Variants in CDKL1 observed in about 807,000 individuals in gnomAD.
CDKL1 encodes the protein cyclin-dependent kinase-like 1.
CDKL1 carries 41 observed loss-of-function variants against 42.0 expected under a neutral mutation model. The observed-to-expected ratio is 0.98, with a 90% CI of 0.76 to 1.27. The LOEUF (loss-of-function observed/expected upper bound fraction) is 1.27. Among genes scored for constraint, CDKL1 ranks in the 50% most tolerant of loss-of-function variants. The pLI is 0.00. For missense variants in CDKL1, 394 were observed against 428.4 expected (o/e 0.92, Z 0.71); for synonymous variants, 153 against 158.6 (o/e 0.96, Z 0.26).
intron 7 of CDKL1, among the ~76,000 whole-genome samples, chr14:50,336,871 A>AT (rs1486859806): frequency 2.0e-5 from 3 of 151,808 alleles, no homozygotes; most frequent in Admixed American, 6.6e-5. Flanking sequence ...TGTAAAAAAA[A>AT]AAAGCTTTGT....
At chr14:50,395,564 G>C in intron 2 of CDKL1, 137 bp downstream of exon 2, 1 of 625,730 alleles carries the variant, frequency 1.6e-6, no homozygotes. Flanking sequence ...CTACTCAGGA[G>C]GCTGAGGCAG....
At chr14:50,354,904 A>G (rs116795198) in intron 3 of CDKL1, among the ~76,000 whole-genome samples, 122 of 152,316 alleles carry the variant, frequency 8.0e-4, no homozygotes, top group African/African-American at 2.9e-3. Flanking sequence ...CATTACTATA[A>G]TAATAAACAT....
At chr14:50,377,171 C>T (rs962944301) in intron 2 of CDKL1, among the ~76,000 whole-genome samples, 1 of 152,144 alleles carries the variant, frequency 6.6e-6, no homozygotes, top group Non-Finnish European at 1.5e-5. Context: ...TAGCTTTGTG[C>T]GCCTGTAGCC....
intron 3 of CDKL1, among the ~76,000 whole-genome samples, chr14:50,346,894 C>G (rs1367566054): frequency 6.6e-6 from 1 of 151,978 alleles, no homozygotes; most frequent in Non-Finnish European, 1.5e-5. Context: ...AGTGATACGC[C>G]CACCTCAGCC....
intron 9 of CDKL1, 158 bp from the exon 10 acceptor site, chr14:50,330,339 C>A: frequency 2.4e-6 from 2 of 845,948 alleles, no homozygotes; most frequent in Non-Finnish European, 3.3e-6. Context: ...GTTTCAATTT[C>A]GTCTTGGCTT....
intron 3 of CDKL1, among the ~76,000 whole-genome samples, chr14:50,355,740 C>T (rs1473451214): frequency 6.6e-6 from 1 of 152,138 alleles, no homozygotes; most frequent in Non-Finnish European, 1.5e-5. Context: ...AGGGTGCTGG[C>T]AGGCATCATA....
At position 50,346,651 on chromosome 14, in the gene CDKL1, G is replaced by GTTTTTTTTTTTTTTTTTTTTTTT. The variant is rs375954757; in HGVS notation, c.291-1594_291-1593insAAAAAAAAAAAAAAAAAAAAAAA. 4.0e-5 allele frequency among the ~76,000 whole-genome samples: 5 copies of GTTTTTTTTTTTTTTTTTTTTTTT among 123,636 alleles called. 1 individual carries two copies. The highest frequency in any genetic ancestry group is 6.6e-5 in the African/African-American group (2 of 30,116). 81.1% of individuals were successfully genotyped at this position (123,636 alleles called of 152,430 possible). A position where few individuals can be genotyped will look rare whatever the true frequency, so the allele number is the denominator to read the frequency against. On this transcript the variant is annotated intron_variant, in intron 3 of 9. Transcript: ENST00000395834. ...TGATTATTCAATAAATTAAATTTTT[G>GTTTTTTTTTTTTTTTTTTTTTTT]GTTTTTTTTTTTTTTTTGAGATGGA...
At chr14:50,386,733 T>G (rs1221973751) in intron 2 of CDKL1, among the ~76,000 whole-genome samples, 1 of 152,122 alleles carries the variant, frequency 6.6e-6, no homozygotes, top group Non-Finnish European at 1.5e-5. Context: ...GAGACCAGCC[T>G]GGGCAACATG....
At chr14:50,371,051 A>G (rs1210231297) in intron 2 of CDKL1, among the ~76,000 whole-genome samples, 2 of 152,184 alleles carry the variant, frequency 1.3e-5, no homozygotes, top group Non-Finnish European at 2.9e-5. Context: ...ATGTTCCCCA[A>G]TTTCATCCAT....
chr14:50,391,557 A>G (rs2035257903), intron 2 of CDKL1, among the ~76,000 whole-genome samples: 1 of 151,916 alleles, frequency 6.6e-6, no homozygotes, highest in African/African-American at 2.4e-5. Context: ...TAGTTTTTGT[A>G]TTTTTAATAC....
chr14:50,346,652 G>T (rs8022839), intron 3 of CDKL1, among the ~76,000 whole-genome samples: 103,267 of 141,834 alleles, frequency 0.73, 37,748 homozygotes, highest in East Asian at 0.8. Context: ...TAAATTTTTG[G>T]TTTTTTTTTT....
rs542326253 is a variant in CDKL1 at position 50,363,028 on chromosome 14, C to G, written c.169-3879G>C. On this transcript the variant is annotated intron_variant, in intron 2 of 9. Coordinates refer to ENST00000395834, the MANE Select transcript of CDKL1 (RefSeq NM_004196.7). ...GCTTCACTCTTGAAGCCAGGGAGAC[C>G]ACGAACCCACTGGGAGGAAAGAACA... The G allele has an allele frequency of 3.6e-3, 1,601 of 442,992 alleles. 34 individuals carry two copies. The highest frequency in any genetic ancestry group is 0.025 in the South Asian group (1,543 of 62,522). The allele number at this position is 442,992 out of a possible 1,614,324, so 27.4% of individuals were successfully genotyped here.
chr14:50,390,253 T>C (rs1280464884), intron 2 of CDKL1: 1 of 1,366,294 alleles, frequency 7.3e-7, no homozygotes, highest in Admixed American at 1.9e-5. Flanking sequence ...GCTGGTCTAA[T>C]ATATTTTAAC....
intron 7 of CDKL1, among the ~76,000 whole-genome samples, chr14:50,337,681 C>CTTT (rs71118872): frequency 2.2e-5 from 3 of 133,588 alleles, no homozygotes; most frequent in Admixed American, 7.8e-5. Flanking sequence ...TTTTTTCTTT[C>CTTT]TTTTTTTTTT....
intron 7 of CDKL1, chr14:50,335,608 T>G: frequency 1.3e-6 from 2 of 1,533,976 alleles, no homozygotes; most frequent in South Asian, 2.4e-5. Context: ...ACAGGCCAGT[T>G]AAAGAGACAT....
chr14:50,345,108 T>C (rs530114149), intron 3 of CDKL1, 50 bp from the exon 4 acceptor site: 2 of 1,553,600 alleles, frequency 1.3e-6, no homozygotes, highest in African/African-American at 2.7e-5. Flanking sequence ...AGCCATGGAA[T>C]TCAGCTCAAG....
chr14:50,365,152 T>C (rs916016301), intron 2 of CDKL1, among the ~76,000 whole-genome samples: 23 of 152,194 alleles, frequency 1.5e-4, no homozygotes, highest in African/African-American at 5.3e-4. Flanking sequence ...TAGAGTCAAA[T>C]TGCTTTCCAA....
intron 7 of CDKL1, among the ~76,000 whole-genome samples, chr14:50,335,169 G>C (rs1196252351): frequency 6.6e-6 from 1 of 151,648 alleles, no homozygotes; most frequent in Non-Finnish European, 1.5e-5. Flanking sequence ...GGTGGTGTGC[G>C]CCTCTAGTAC....
At chr14:50,362,200 C>T (rs1047097931) in intron 2 of CDKL1, 8 of 274,746 alleles carry the variant, frequency 2.9e-5, no homozygotes, top group South Asian at 8.4e-5. Flanking sequence ...GGCTCCTGCG[C>T]GGCCGAGCCT....
Sources: allele counts gnomAD v4.1 joint callset (sites outside exome capture counted in the v4.1 genomes callset), GRCh38; gene constraint gnomAD v4.1.1; transcripts MANE v1.5; gene names NCBI Gene and HGNC (gene_info 2026-07-23, HGNC 2026-07-21).